GRID2: variants seen among roughly 807,000 people sequenced by gnomAD.
GRID2 encodes glutamate ionotropic receptor delta type subunit 2.
A neutral mutation model predicts 114.8 loss-of-function variants in GRID2; 33 were observed. That is an observed-to-expected ratio of 0.29 (90% confidence interval 0.22 to 0.38). GRID2 has a LOEUF of 0.38. Ranked by LOEUF, GRID2 falls within the 10% of genes least tolerant of loss-of-function variation. The pLI is 1.00. For synonymous variants in GRID2, 505 were observed against 449.9 expected, an observed-to-expected ratio of 1.12 and a Z score of -1.55; for missense variants, 1,184 against 1,257.7, an observed-to-expected ratio of 0.94 and a Z score of 0.89.
chr4:92,910,349 G>T (rs1748282160), intron 2 of GRID2, among the ~76,000 whole-genome samples: 1 of 152,024 alleles, frequency 6.6e-6, no homozygotes, highest in Non-Finnish European at 1.5e-5. Flanking sequence ...AATTACTTCA[G>T]TTCATATATT....
chr4:92,649,750 C>A (rs1579764782), intron 2 of GRID2, among the ~76,000 whole-genome samples: 1 of 152,114 alleles, frequency 6.6e-6, no homozygotes, highest in East Asian at 1.9e-4. Context: ...GGAACTAATT[C>A]TTTCCTCTGA....
chr4:93,266,080 A>C (rs1436022983), intron 8 of GRID2, among the ~76,000 whole-genome samples: 3 of 152,102 alleles, frequency 2.0e-5, no homozygotes, highest in African/African-American at 7.2e-5. Context: ...ACTCACTCAG[A>C]CGGGGATCAT....
intron 4 of GRID2, among the ~76,000 whole-genome samples, chr4:93,125,361 C>A (rs1041342909): frequency 6.6e-6 from 1 of 151,850 alleles, no homozygotes; most frequent in African/African-American, 2.4e-5. Context: ...AAAGCAAATT[C>A]ATTAACTCTG....
intron 12 of GRID2, among the ~76,000 whole-genome samples, chr4:93,500,664 A>C (rs1728004075): frequency 1.3e-5 from 2 of 151,996 alleles, no homozygotes; most frequent in African/African-American, 4.8e-5. Context: ...ATGCATCTGC[A>C]AGCCTTATCT....
At chr4:93,279,361 CTT>C (rs1309935834) in intron 8 of GRID2, among the ~76,000 whole-genome samples, 2 of 151,686 alleles carry the variant, frequency 1.3e-5, no homozygotes, top group Non-Finnish European at 2.9e-5. Flanking sequence ...ATGTTAATGT[CTT>C]TGGTTTTATT....
chr4:92,642,522 C>T lies in GRID2; in HGVS notation c.244+52236C>T, dbSNP rs142006707. ...GTTGACTTGAGTTCTTCGTTGATTCCGGAGATGAGACCTTTGTCAGATGCA... is the reference window on the plus strand; with the variant it reads ...GTTGACTTGAGTTCTTCGTTGATTCTGGAGATGAGACCTTTGTCAGATGCA... On this transcript the variant is annotated intron_variant, in intron 2 of 15. Transcript: ENST00000282020. 6.5e-3 allele frequency among the ~76,000 whole-genome samples: 986 copies of T among 151,756 alleles called. 6 individuals are homozygous for T. Among genetic ancestry groups the T allele is most frequent in the Admixed American group, 9.4e-3 (143 of 15,198 alleles).
intron 2 of GRID2, among the ~76,000 whole-genome samples, chr4:92,711,590 G>T (rs1735253878): frequency 1.3e-5 from 2 of 152,088 alleles, no homozygotes; most frequent in Non-Finnish European, 2.9e-5. Flanking sequence ...CTACCAGCTG[G>T]AGAAAACTAT....
At chr4:93,728,061 C>A (rs1473265162) in intron 14 of GRID2, among the ~76,000 whole-genome samples, 3 of 152,152 alleles carry the variant, frequency 2.0e-5, no homozygotes, top group East Asian at 1.9e-4. Context: ...TTTTCTAGTT[C>A]TTTTAATTGT....
intron 2 of GRID2, among the ~76,000 whole-genome samples, chr4:92,980,122 T>G (rs931584056): frequency 1.3e-5 from 2 of 152,202 alleles, no homozygotes; most frequent in African/African-American, 4.8e-5. Flanking sequence ...AGCATATTAA[T>G]TACAAATATG....
In GRID2 at chr4:92,976,584, T is replaced by C. The variant is rs186431474; in HGVS notation, c.245-108411T>C. 1.5e-4 allele frequency among the ~76,000 whole-genome samples: 23 copies of C among 152,226 alleles called. 1 individual carries two copies. The South Asian group carries it at 4.6e-3, about 30-fold the overall frequency. On this transcript the variant is annotated intron_variant, in intron 2 of 15. Coordinates refer to ENST00000282020, the MANE Select transcript of GRID2 (RefSeq NM_001510.4). Reference sequence around the variant, plus strand: ...TATATAATACATTTCTGGCACACTATTCCCACTTCCCAACTTGCCTATTGT... The same window carrying C: ...TATATAATACATTTCTGGCACACTACTCCCACTTCCCAACTTGCCTATTGT...
At chr4:92,626,046 C>G (rs1339169379) in intron 2 of GRID2, among the ~76,000 whole-genome samples, 2 of 151,726 alleles carry the variant, frequency 1.3e-5, no homozygotes, top group African/African-American at 2.4e-5. Flanking sequence ...TACAAAATAC[C>G]TAAAATACTG....
At chr4:92,617,745 TC>T (rs1309454635) in intron 2 of GRID2, among the ~76,000 whole-genome samples, 4 of 151,772 alleles carry the variant, frequency 2.6e-5, no homozygotes, top group African/African-American at 9.7e-5. Flanking sequence ...CATTTTAATT[TC>T]CCTGATGATT....
intron 2 of GRID2, among the ~76,000 whole-genome samples, chr4:92,676,305 G>A (rs955368793): frequency 2.7e-5 from 4 of 150,924 alleles, no homozygotes; most frequent in Non-Finnish European, 5.9e-5. Context: ...TCAGCCTCCC[G>A]AGTAGCTGGG....
At chr4:93,216,214 G>A (rs1469610178) in intron 5 of GRID2, among the ~76,000 whole-genome samples, 1 of 151,566 alleles carries the variant, frequency 6.6e-6, no homozygotes, top group Admixed American at 6.6e-5. Context: ...ATATCCTCTT[G>A]CTCTACTTGC....
At chr4:92,681,692 T>A (rs1733656338) in intron 2 of GRID2, among the ~76,000 whole-genome samples, 1 of 151,974 alleles carries the variant, frequency 6.6e-6, no homozygotes, top group Admixed American at 6.6e-5. Flanking sequence ...AAGTATAATT[T>A]AAAAAAACCC....
At chr4:93,804,780 G>T (rs1008264636) in intron 1 of GRID2, among the ~76,000 whole-genome samples, 1 of 152,122 alleles carries the variant, frequency 6.6e-6, no homozygotes, top group African/African-American at 2.4e-5. Flanking sequence ...CCTTTCAAAA[G>T]CCTAGCCATC....
chr4:93,646,754 G>T (rs1002803070), intron 14 of GRID2, among the ~76,000 whole-genome samples: 4 of 152,098 alleles, frequency 2.6e-5, no homozygotes, highest in African/African-American at 9.7e-5. Flanking sequence ...TGTGAAAGTG[G>T]CAGCTACAGG....
intron 1 of GRID2, among the ~76,000 whole-genome samples, chr4:92,427,040 A>G (rs1246961222): frequency 1.3e-5 from 2 of 152,162 alleles, no homozygotes; most frequent in African/African-American, 4.8e-5. Context: ...CTAGGAACTC[A>G]GATCACATTG....
intron 2 of GRID2, among the ~76,000 whole-genome samples, chr4:92,791,008 G>C (rs899900254): frequency 6.6e-6 from 1 of 151,252 alleles, no homozygotes; most frequent in East Asian, 2.0e-4. Context: ...AGAAATAATA[G>C]TTTCTCCTTT....
Sources: gnomAD v4.1 joint callset for allele counts (sites outside exome capture counted in the v4.1 genomes callset) on GRCh38, gnomAD v4.1.1 for gene constraint, MANE v1.5 for transcripts, NCBI Gene and HGNC (gene_info 2026-07-23, HGNC 2026-07-21) for gene names.